CCDC178: variants seen among roughly 807,000 people sequenced by gnomAD.
The protein encoded by CCDC178 is coiled-coil domain-containing protein 178.
A neutral mutation model predicts 117.4 loss-of-function variants in CCDC178; 126 were observed. The observed-to-expected ratio is 1.07, with a 90% CI of 0.93 to 1.24. The LOEUF is 1.24. Ranked by LOEUF, CCDC178 falls within the 50% of genes most tolerant of loss-of-function variation. The probability of loss-of-function intolerance (pLI) is 0.00; values close to 1 mark genes in which losing one functional copy is unlikely to be tolerated. For synonymous variants in CCDC178, 283 were observed against 313.4 expected, an observed-to-expected ratio of 0.90 and a Z score of 1.02; for missense variants, 1,030 against 986.9, an observed-to-expected ratio of 1.04 and a Z score of -0.59.
chr18:33,111,896 C>T (rs1040459867), intron 20 of CCDC178, among the ~76,000 whole-genome samples: 1 of 151,618 alleles, frequency 6.6e-6, no homozygotes, highest in African/African-American at 2.4e-5. Context: ...TATTAAAGTT[C>T]TATTTAATAA....
intron 12 of CCDC178, among the ~76,000 whole-genome samples, chr18:33,272,572 C>A (rs996889176): frequency 6.6e-6 from 1 of 151,498 alleles, no homozygotes. Context: ...ACTGTGATAG[C>A]ATATCCTGAC....
intron 20 of CCDC178, among the ~76,000 whole-genome samples, chr18:33,108,019 T>C: frequency 6.6e-6 from 1 of 151,670 alleles, no homozygotes; most frequent in East Asian, 1.9e-4. Context: ...TTTTTATCCA[T>C]TTTTGTCAAA....
chr18:33,384,239 T>C (rs2063470023), intron 5 of CCDC178, among the ~76,000 whole-genome samples: 1 of 152,070 alleles, frequency 6.6e-6, no homozygotes, highest in Non-Finnish European at 1.5e-5. Context: ...TATGACTGAT[T>C]AGAGTACCCG....
chr18:33,233,807 T>A (rs2144657561), intron 15 of CCDC178, among the ~76,000 whole-genome samples: 1 of 152,224 alleles, frequency 6.6e-6, no homozygotes, highest in South Asian at 2.1e-4. Flanking sequence ...ATTTTTAATA[T>A]TCTTAGAGCC....
chr18:33,165,506 C>T (rs1337611341), intron 20 of CCDC178, among the ~76,000 whole-genome samples: 1 of 152,118 alleles, frequency 6.6e-6, no homozygotes, highest in African/African-American at 2.4e-5. Context: ...TAGAACCAAT[C>T]CCCCTTGGAC....
intron 5 of CCDC178, among the ~76,000 whole-genome samples, chr18:33,387,345 T>C (rs1599255543): frequency 6.6e-6 from 1 of 152,106 alleles, no homozygotes; most frequent in Non-Finnish European, 1.5e-5. Context: ...ATCACAGAAT[T>C]AGAAAAAACT....
At chr18:33,310,688 A>T (rs980156380) in intron 11 of CCDC178, among the ~76,000 whole-genome samples, 1 of 152,212 alleles carries the variant, frequency 6.6e-6, no homozygotes, top group Non-Finnish European at 1.5e-5. Context: ...CCCCTCTGAA[A>T]AAAATAATTA....
rs1409665903 is a variant in CCDC178 at position 33,394,959 on chromosome 18, A to G, written c.118+2190T>C. 1.8e-4 allele frequency among the ~76,000 whole-genome samples: 23 copies of G among 130,286 alleles called. 1 individual carries two copies. The highest frequency in any genetic ancestry group is 2.8e-4 in the Non-Finnish European group (17 of 59,902). The allele number at this position is 130,286 out of a possible 152,430, so 85.5% of individuals were successfully genotyped here. Reference sequence around the variant, plus strand: ...TATGTATGTGTATATATATATATATATATATATATATATATATATATATAT... The same window carrying G: ...TATGTATGTGTATATATATATATATGTATATATATATATATATATATATAT... On this transcript the variant is annotated intron_variant, in intron 4 of 22. Coordinates refer to ENST00000383096, the MANE Select transcript of CCDC178 (RefSeq NM_001105528.4).
intron 10 of CCDC178, among the ~76,000 whole-genome samples, 170 bp from the exon 11 acceptor site, chr18:33,323,803 C>T (rs536389884): frequency 6.6e-6 from 1 of 151,848 alleles, no homozygotes; most frequent in African/African-American, 2.4e-5. Context: ...GGCATTAATG[C>T]TGGGAATGTA....
At chr18:33,385,227 A>G (rs1218217487) in intron 5 of CCDC178, among the ~76,000 whole-genome samples, 4 of 152,208 alleles carry the variant, frequency 2.6e-5, no homozygotes, top group Non-Finnish European at 2.9e-5. Context: ...AAGTTCTTAG[A>G]GACCTACAAA....
chr18:33,359,741 T>A (rs2063101294), intron 6 of CCDC178, among the ~76,000 whole-genome samples: 1 of 151,534 alleles, frequency 6.6e-6, no homozygotes. Context: ...CATTTCTGAT[T>A]TTACCAAAAT....
intron 21 of CCDC178, among the ~76,000 whole-genome samples, chr18:33,082,452 AC>A (rs1482638428): frequency 2.0e-5 from 3 of 152,198 alleles, no homozygotes; most frequent in African/African-American, 7.2e-5. Flanking sequence ...AACCTGGGTG[AC>A]AGTGAGACCC....
At chr18:33,347,875 G>A (rs1408896515) in intron 8 of CCDC178, among the ~76,000 whole-genome samples, 1 of 151,550 alleles carries the variant, frequency 6.6e-6, no homozygotes, top group Non-Finnish European at 1.5e-5. Flanking sequence ...TTTCTTGAGT[G>A]CCATCTCAGT....
Position 33,095,984 on chromosome 18 carries a change from T to C in CCDC178, c.2239-3074A>G, listed in dbSNP as rs183852248. The stretch of plus-strand genomic sequence containing the variant: ...CAGCATTTTTCTTGGGTTATTTAGT[T>C]AGCCCATGATCCCCAAAGTGTGGAA... On this transcript the variant is annotated intron_variant, in intron 20 of 22. Transcript: ENST00000383096. Among the ~76,000 whole-genome samples, 31 of 152,060 alleles carry C rather than the reference T, an allele frequency of 2.0e-4. No homozygotes were observed. In the East Asian group the frequency reaches 5.4e-3, roughly 27 times the overall value.
chr18:33,336,654 G>A (rs1299177525), intron 9 of CCDC178, among the ~76,000 whole-genome samples: 2 of 151,994 alleles, frequency 1.3e-5, no homozygotes, highest in Admixed American at 6.6e-5. Context: ...CACTTGAACA[G>A]CACTATCAAT....
chr18:33,094,419 T>C (rs2057512512), intron 20 of CCDC178, among the ~76,000 whole-genome samples: 1 of 152,028 alleles, frequency 6.6e-6, no homozygotes, highest in Non-Finnish European at 1.5e-5. Context: ...AGTGATTAAC[T>C]TGTAACATTG....
intron 20 of CCDC178, among the ~76,000 whole-genome samples, chr18:33,131,994 GT>G (rs33926281): frequency 0.16 from 24,164 of 149,356 alleles, 2,665 homozygotes; most frequent in African/African-American, 0.32. Context: ...TTGTTTCTTT[GT>G]TTTTTTTTGG....
In CCDC178 at chr18:33,245,243, A is replaced by G. The variant is rs2059535197; in HGVS notation, c.1593+2T>C. 1.9e-6 allele frequency: 3 copies of G among 1,579,712 alleles called. No individual in the cohort carries two copies. Among genetic ancestry groups the G allele is most frequent in the East Asian group, 4.6e-5 (2 of 43,764 alleles). On this transcript the variant is annotated splice_donor_variant, in intron 15 of 22. Coordinates refer to ENST00000383096, the MANE Select transcript of CCDC178 (RefSeq NM_001105528.4). LOFTEE classifies it high-confidence loss of function. Reference sequence around the variant, plus strand: ...AGTAAGAGGAACACAAAGATACACAACCTTGAACTTTCTTCTCACTTCTGC... The same window carrying G: ...AGTAAGAGGAACACAAAGATACACAGCCTTGAACTTTCTTCTCACTTCTGC...
chr18:33,334,867 T>C (rs2062719250), intron 9 of CCDC178, among the ~76,000 whole-genome samples: 1 of 152,070 alleles, frequency 6.6e-6, no homozygotes, highest in African/African-American at 2.4e-5. Flanking sequence ...TATATGAATA[T>C]TTTGATTATC....
Sources: gnomAD v4.1 joint callset for allele counts (sites outside exome capture counted in the v4.1 genomes callset) on GRCh38, gnomAD v4.1.1 for gene constraint, MANE v1.5 for transcripts, NCBI Gene and HGNC (gene_info 2026-07-23, HGNC 2026-07-21) for gene names.